Variants in TGIF2 observed in about 807,000 individuals in gnomAD.
TGIF2 encodes TGFB induced factor homeobox 2.
TGIF2 carries 5 observed loss-of-function variants against 15.1 expected under a neutral mutation model. The observed-to-expected ratio is 0.33, with a 90% CI of 0.17 to 0.70. The LOEUF (loss-of-function observed/expected upper bound fraction) is 0.70, where lower values mean the gene tolerates loss of function less well. TGIF2 is among the 30% of genes least tolerant of loss of function. TGIF2 has a pLI of 0.67. For missense variants in TGIF2, 264 were observed against 302.5 expected, an observed-to-expected ratio of 0.87 and a Z score of 0.94; for synonymous variants, 131 against 128.9, an observed-to-expected ratio of 1.02 and a Z score of -0.11.
At chr20:36,580,050 A>G (rs2038512669) in intron 2 of TGIF2, among the ~76,000 whole-genome samples, 2 of 152,108 alleles carry the variant, frequency 1.3e-5, no homozygotes, top group South Asian at 4.1e-4. Flanking sequence ...CCCTTAGCCT[A>G]ATACAAGAGG....
intron 2 of TGIF2, among the ~76,000 whole-genome samples, chr20:36,580,729 A>T (rs1234750438): frequency 2.8e-5 from 4 of 142,612 alleles, no homozygotes. Flanking sequence ...AGGAAGGATT[A>T]CTTGAGCCCT....
intron 1 of TGIF2, among the ~76,000 whole-genome samples, chr20:36,574,168 G>A (rs954473460): frequency 1.3e-5 from 2 of 152,074 alleles, no homozygotes; most frequent in African/African-American, 4.8e-5. Flanking sequence ...GTGACAGCTG[G>A]GGGTGGGGGC....
In TGIF2 at chr20:36,579,758, G is replaced by A. The variant is rs1326624164; in HGVS notation, c.192+792G>A. Among the ~76,000 whole-genome samples, 5 of 152,152 alleles carry A rather than the reference G, an allele frequency of 3.3e-5. 1 individual carries two copies. Among genetic ancestry groups the A allele is most frequent in the Admixed American group, 3.3e-4 (5 of 15,276 alleles). ...TCTTGATTTCCTTATCTGTAAAGGG[G>A]CAGGGGGTACACAGAGTCTTCCCCT... On this transcript the variant is annotated intron_variant, in intron 2 of 2. Coordinates refer to ENST00000373872, the MANE Select transcript of TGIF2 (RefSeq NM_021809.7).
In TGIF2 at chr20:36,578,960, G is replaced by A. The variant is rs1398702774; in HGVS notation, c.186G>A (p.Val62=). 2.5e-6 allele frequency: 4 copies of A among 1,613,584 alleles called. No individual in the cohort carries two copies. The Admixed American group carries it at 6.7e-5, about 27-fold the overall frequency. ...LSLSGQTNLS[V]LQICNWFINA... ...TTTCTGGACAGACCAACCTGTCAGT[G>A]CTGCAAGTAAGGAGGGGATCTGGAT... The change falls in exon 2 of 3, where the codon GTG becomes GTA. Residue 62 remains valine (V), a synonymous_variant. Coordinates refer to ENST00000373872, the MANE Select transcript of TGIF2 (RefSeq NM_021809.7).
intron 2 of TGIF2, among the ~76,000 whole-genome samples, chr20:36,587,332 G>A (rs2067659396): frequency 6.6e-6 from 1 of 152,214 alleles, no homozygotes; most frequent in South Asian, 2.1e-4. Flanking sequence ...CTCAGCCAAA[G>A]TGGGAAGTGC....
At chr20:36,585,809 C>T (rs2147933691) in intron 2 of TGIF2, among the ~76,000 whole-genome samples, 1 of 152,270 alleles carries the variant, frequency 6.6e-6, no homozygotes, top group Admixed American at 6.5e-5. Context: ...GGGTTCTGGG[C>T]CCCAATCCTT....
rs768207375 is a variant in TGIF2, at chr20:36,591,611, T to C, written c.*180T>C. 1 of 633,650 alleles carries C rather than the reference T, an allele frequency of 1.6e-6. No homozygotes were observed. Among genetic ancestry groups the C allele is most frequent in the Non-Finnish European group, 2.6e-6 (1 of 381,148 alleles). 39.3% of individuals were successfully genotyped at this position (633,650 alleles called of 1,614,324 possible). On this transcript the variant is annotated 3_prime_UTR_variant, in exon 3 of 3. Coordinates refer to ENST00000373872, the MANE Select transcript of TGIF2 (RefSeq NM_021809.7). The surrounding 1 kb of genome is among the most constrained non-coding windows in gnomAD (Gnocchi z 5.3). The stretch of plus-strand genomic sequence containing the variant: ...CCACTGCACTGTGATGGGGGCCCTC[T>C]CCTCTGCTGACTCTGCCGTTTCTCC...
intron 1 of TGIF2, among the ~76,000 whole-genome samples, chr20:36,577,411 A>AC (rs1424086894): frequency 2.1e-5 from 3 of 146,256 alleles, no homozygotes; most frequent in African/African-American, 7.6e-5. Context: ...GGGTTTTGCC[A>AC]TGTTGGCCAG....
Position 36,593,513 on chromosome 20 carries a change from G to A in TGIF2, c.*2082G>A, listed in dbSNP as rs1473788293. 6.6e-6 allele frequency: 1 copy of A among 152,624 alleles called. No homozygotes were observed. Among genetic ancestry groups the A allele is most frequent in the African/African-American group, 2.4e-5 (1 of 41,438 alleles). The allele number at this position is 152,624 out of a possible 1,614,324, so 9.5% of individuals were successfully genotyped here. On this transcript the variant is annotated 3_prime_UTR_variant, in exon 3 of 3. Transcript: ENST00000373872. ...CCGTGCCCTCTCCCCGTGTGCCCCA[G>A]GGGGATCAGGGATCCTCACCCTCCT...
chr20:36,583,229 G>T (rs771909944), intron 2 of TGIF2, among the ~76,000 whole-genome samples: 1 of 150,948 alleles, frequency 6.6e-6, no homozygotes, highest in Non-Finnish European at 1.5e-5. Flanking sequence ...CAGTGAGATC[G>T]CACCACTGCA....
chr20:36,579,082 G>A (rs1336670484), intron 2 of TGIF2, 116 bp downstream of exon 2: 6 of 1,397,802 alleles, frequency 4.3e-6, no homozygotes, highest in South Asian at 1.5e-5. Context: ...TCTGGGCTTC[G>A]GTTTCTTCTT....
In TGIF2 at chr20:36,577,199, T is replaced by A. The variant is rs900069820; in HGVS notation, c.-34-1542T>A. Among the ~76,000 whole-genome samples, 18 of 151,886 alleles carry A rather than the reference T, an allele frequency of 1.2e-4. No homozygotes were observed. In the East Asian group the frequency reaches 3.5e-3, roughly 29 times the overall value. On this transcript the variant is annotated intron_variant, in intron 1 of 2. Transcript: ENST00000373872. ...GCTAATTTTTATTTTATTTTATTTT[T>A]TTATTTTTTTCTTTTGTTGAGACAG...
chr20:36,593,908 T>G lies in TGIF2; in HGVS notation c.*2477T>G, dbSNP rs2038807826. Reference sequence around the variant, plus strand: ...AAAACTACTGTAAATAACTTTTTTGTCTTTTGTCAAATAAAATTTTTTTTT... The same window carrying G: ...AAAACTACTGTAAATAACTTTTTTGGCTTTTGTCAAATAAAATTTTTTTTT... On this transcript the variant is annotated 3_prime_UTR_variant, in exon 3 of 3. Transcript: ENST00000373872. The G allele has an allele frequency of 6.6e-6, 1 of 150,804 alleles. No individual in the cohort carries two copies. Among genetic ancestry groups the G allele is most frequent in the African/African-American group, 2.5e-5 (1 of 39,672 alleles). The allele number at this position is 150,804 out of a possible 1,614,324, so 9.3% of individuals were successfully genotyped here.
intron 2 of TGIF2, among the ~76,000 whole-genome samples, chr20:36,583,581 T>C (rs916584455): frequency 6.8e-6 from 1 of 147,952 alleles, no homozygotes; most frequent in Non-Finnish European, 1.5e-5. Context: ...GCCAACTTGG[T>C]GAAACCTTGT....
chr20:36,591,292 A>G lies in TGIF2; in HGVS notation c.575A>G (p.Lys192Arg). 1.9e-6 allele frequency: 3 copies of G among 1,614,168 alleles called. No individual in the cohort carries two copies. The South Asian group carries it at 3.3e-5, about 18-fold the overall frequency. ...CCACCCACACCCCCAGAGCAGGACA[A>G]AGAGGACTTCAGCAGCTTCCAGCTG... The part of the protein sequence containing the change: ...TPPPTPPEQD[K>R]EDFSSFQLLV... Residue 192 changes from lysine (K) to arginine (R), a missense_variant, in exon 3 of 3, where the codon AAA (lysine) becomes AGA (arginine). Transcript: ENST00000373872. This position sits in a 1 kb window ranked among gnomAD's most constrained non-coding sequence, Gnocchi z 5.3.
Position 36,584,877 on chromosome 20 carries a change from T to C in TGIF2, c.192+5911T>C, listed in dbSNP as rs147926309. Among the ~76,000 whole-genome samples the C allele has an allele frequency of 6.6e-5, 10 of 152,194 alleles. No individual in the cohort carries two copies. The East Asian group carries it at 1.4e-3, about 21-fold the overall frequency. On this transcript the variant is annotated intron_variant, in intron 2 of 2. Coordinates refer to ENST00000373872, the MANE Select transcript of TGIF2 (RefSeq NM_021809.7). Reference sequence around the variant, plus strand: ...TTAATTTTTTAAATTTCATTTTCCATTAAGGACATTTAAGAATATCTATAA... The same window carrying C: ...TTAATTTTTTAAATTTCATTTTCCACTAAGGACATTTAAGAATATCTATAA...
intron 1 of TGIF2, among the ~76,000 whole-genome samples, chr20:36,576,188 A>G (rs573748450): frequency 2.0e-5 from 3 of 152,304 alleles, no homozygotes; most frequent in African/African-American, 7.2e-5. Flanking sequence ...TGGGTTATCT[A>G]GGGAAAATCC....
At chr20:36,580,780 C>T (rs1161788459) in intron 2 of TGIF2, among the ~76,000 whole-genome samples, 1 of 131,098 alleles carries the variant, frequency 7.6e-6, no homozygotes, top group Non-Finnish European at 1.6e-5. Context: ...CACCACTGCA[C>T]TCCAGACTGG....
chr20:36,578,610 G>C, intron 1 of TGIF2, 131 bp from the exon 2 acceptor site: 1 of 1,024,406 alleles, frequency 9.8e-7, no homozygotes, highest in South Asian at 1.7e-5. Context: ...TCTGTGTTAC[G>C]GCCTGAGATT....
Sources: allele counts gnomAD v4.1 joint callset (sites outside exome capture counted in the v4.1 genomes callset), GRCh38; gene constraint gnomAD v4.1.1; non-coding constraint Gnocchi (gnomAD v3.1); transcripts MANE v1.5; gene names NCBI Gene and HGNC (gene_info 2026-07-23, HGNC 2026-07-21).